Variants in ANKRD30B observed in about 807,000 individuals in gnomAD.
ANKRD30B encodes the protein ankyrin repeat domain-containing protein 30B.
Under a neutral mutation model 202.2 loss-of-function variants are expected in ANKRD30B, and 144 were observed. That is an observed-to-expected ratio of 0.71 (90% CI 0.62 to 0.82). ANKRD30B has a LOEUF of 0.82. ANKRD30B is among the 40% of genes least tolerant of loss of function. The pLI, the probability that ANKRD30B is intolerant of heterozygous loss-of-function variation, is 0.00. For missense variants in ANKRD30B, 1,487 were observed against 1,669.1 expected, an observed-to-expected ratio of 0.89 and a Z score of 1.90; for synonymous variants, 508 against 561.3, an observed-to-expected ratio of 0.91 and a Z score of 1.34.
intron 4 of ANKRD30B, among the ~76,000 whole-genome samples, chr18:14,755,763 A>G (rs1344302977): frequency 6.6e-6 from 1 of 152,152 alleles, no homozygotes; most frequent in Admixed American, 6.5e-5. Context: ...ATAGTATTCC[A>G]TGGTGTATAT....
chr18:14,868,927 C>T, the ANKRD30B span, among the ~76,000 whole-genome samples: 16 of 152,304 alleles, frequency 1.1e-4, no homozygotes, highest in Admixed American at 2.0e-4. Flanking sequence ...TGGCTTCTCA[C>T]GGACTCTCAG....
chr18:14,898,410 G>A, the ANKRD30B span, among the ~76,000 whole-genome samples: 2 of 151,864 alleles, frequency 1.3e-5, no homozygotes, highest in African/African-American at 4.8e-5. Flanking sequence ...TAGGGTTCAC[G>A]CCCCTATGAG....
intron 5 of ANKRD30B, among the ~76,000 whole-genome samples, chr18:14,758,620 A>G (rs1458491359): frequency 1.1e-4 from 17 of 152,112 alleles, no homozygotes; most frequent in Admixed American, 1.1e-3. Context: ...GGCAGCTAGG[A>G]CTTTTATCTT....
chr18:14,787,010 T>A (rs541888614), intron 14 of ANKRD30B, 29 bp from the exon 15 acceptor site: 1 of 1,590,912 alleles, frequency 6.3e-7, no homozygotes, highest in African/African-American at 1.3e-5. Flanking sequence ...AATGTTCTCA[T>A]GAATACATCT....
chr18:14,844,612 C>T (rs1971555948), intron 39 of ANKRD30B, among the ~76,000 whole-genome samples: 1 of 152,220 alleles, frequency 6.6e-6, no homozygotes, highest in Admixed American at 6.5e-5. Flanking sequence ...AATGGGATCG[C>T]TGGATCAAAT....
the ANKRD30B span, among the ~76,000 whole-genome samples, chr18:14,862,980 C>G: frequency 6.6e-6 from 1 of 152,338 alleles, no homozygotes; most frequent in South Asian, 2.1e-4. Context: ...AATATTTACC[C>G]AACACCTGTA....
At chr18:14,911,611 CTT>C in the ANKRD30B span, among the ~76,000 whole-genome samples, 79,468 of 151,590 alleles carry the variant, frequency 0.52, 21,135 homozygotes, top group African/African-American at 0.6. Flanking sequence ...TATTCAGGCT[CTT>C]TTTTGGTTTC....
intron 34 of ANKRD30B, among the ~76,000 whole-genome samples, chr18:14,832,392 G>A (rs1236854605): frequency 6.6e-6 from 1 of 152,112 alleles, no homozygotes; most frequent in Non-Finnish European, 1.5e-5. Context: ...TAAGCATATG[G>A]TAAGATTTTA....
intron 26 of ANKRD30B, among the ~76,000 whole-genome samples, chr18:14,809,502 G>A (rs551266984): frequency 9.3e-5 from 14 of 150,848 alleles, no homozygotes; most frequent in South Asian, 4.2e-4. Context: ...AGATGAGGGC[G>A]TTCATAGCAC....
intron 15 of ANKRD30B, among the ~76,000 whole-genome samples, chr18:14,790,839 G>A (rs568507274): frequency 2.0e-5 from 3 of 152,102 alleles, no homozygotes; most frequent in Non-Finnish European, 4.4e-5. Context: ...AGGGATATTG[G>A]TCTAAAATTC....
chr18:14,927,507 T>G, the ANKRD30B span, among the ~76,000 whole-genome samples: 1 of 152,288 alleles, frequency 6.6e-6, no homozygotes, highest in South Asian at 2.1e-4. Context: ...CCTAACCAGC[T>G]AAACCATGGA....
At chr18:14,774,772 C>T (rs1653076960) in intron 9 of ANKRD30B, among the ~76,000 whole-genome samples, 1 of 151,458 alleles carries the variant, frequency 6.6e-6, no homozygotes, top group African/African-American at 2.4e-5. Context: ...TTAATTATTT[C>T]TACAATACTA....
intron 1 of ANKRD30B, among the ~76,000 whole-genome samples, chr18:14,749,606 G>C (rs1344291370): frequency 1.4e-5 from 2 of 144,134 alleles, no homozygotes; most frequent in African/African-American, 5.1e-5. Context: ...GGTAGGTGGA[G>C]GTTGCAGTGA....
At chr18:14,918,821 C>T in the ANKRD30B span, among the ~76,000 whole-genome samples, 8 of 152,234 alleles carry the variant, frequency 5.3e-5, no homozygotes, top group East Asian at 7.7e-4. Flanking sequence ...CCCCCTAGTG[C>T]GATAGTGTTG....
intron 9 of ANKRD30B, among the ~76,000 whole-genome samples, chr18:14,775,085 C>T (rs1481679385): frequency 2.0e-5 from 3 of 152,198 alleles, no homozygotes; most frequent in Admixed American, 2.0e-4. Context: ...CCAGATCATG[C>T]CACTGCACTC....
the ANKRD30B span, among the ~76,000 whole-genome samples, chr18:14,896,464 G>A: frequency 4.0e-5 from 6 of 151,230 alleles, no homozygotes; most frequent in African/African-American, 1.5e-4. Context: ...ATCTAAAAAT[G>A]TTCTAAAATA....
Position 14,820,019 on chromosome 18 carries a change from T to TG in ANKRD30B, c.2642-2464_2642-2463insG, listed in dbSNP as rs1239646437. On this transcript the variant is annotated intron_variant, in intron 30 of 43. Transcript: ENST00000690538. ...AGCATGGAATGTTCTTCCATTTGTT[T>TG]TATCCTCTTTTATTTCATTGAGCAG... Among the ~76,000 whole-genome samples, 580 of 152,084 alleles carry TG rather than the reference T, an allele frequency of 3.8e-3. 8 individuals are homozygous for TG. Among genetic ancestry groups the TG allele is most frequent in the African/African-American group, 0.013 (536 of 41,488 alleles).
the ANKRD30B span, among the ~76,000 whole-genome samples, chr18:14,873,524 CAAAA>C: frequency 7.7e-5 from 7 of 90,636 alleles, no homozygotes; most frequent in East Asian, 2.0e-3. Flanking sequence ...GACTCCGTTT[CAAAA>C]AAAAAAAAAA....
chr18:14,917,651 C>T, the ANKRD30B span, among the ~76,000 whole-genome samples: 2 of 152,200 alleles, frequency 1.3e-5, no homozygotes. Flanking sequence ...TTGGCCCAGG[C>T]CTGCTGTACA....
Sources: allele counts gnomAD v4.1 joint callset (sites outside exome capture counted in the v4.1 genomes callset), GRCh38; gene constraint gnomAD v4.1.1; transcripts MANE v1.5; gene names NCBI Gene and HGNC (gene_info 2026-07-23, HGNC 2026-07-21).